Variants in DNAJC11 observed in about 807,000 individuals in gnomAD.
DNAJC11 encodes dnaJ homolog subfamily C member 11.
In DNAJC11, 15 loss-of-function variants were observed where a neutral mutation model predicts 78.6. The ratio of observed to expected loss-of-function variants is 0.19; its 90% confidence interval spans 0.13 to 0.29. The LOEUF is 0.29. Ranked by LOEUF, DNAJC11 falls within the 10% of genes least tolerant of loss-of-function variation. The pLI is 1.00. For missense variants in DNAJC11, 547 were observed against 709.6 expected (o/e 0.77, Z 2.60); for synonymous variants, 292 against 272.1 (o/e 1.07, Z -0.72).
At chr1:6,663,430 C>T (rs1401411429) in intron 4 of DNAJC11, among the ~76,000 whole-genome samples, 7 of 152,036 alleles carry the variant, frequency 4.6e-5, no homozygotes, top group Non-Finnish European at 1.5e-5. Flanking sequence ...AGTGGCTGCC[C>T]TCCACAGAGG....
intron 1 of DNAJC11, among the ~76,000 whole-genome samples, chr1:6,701,069 T>C (rs555805166): frequency 6.6e-6 from 1 of 152,282 alleles, no homozygotes; most frequent in East Asian, 1.9e-4. Flanking sequence ...GAAGCTGTTG[T>C]TAGGGCACCA....
At position 6,680,263 on chromosome 1, in the gene DNAJC11, T is replaced by C. The variant is rs1273033392; in HGVS notation, c.202+645A>G. On this transcript the variant is annotated intron_variant, in intron 2 of 15. Transcript: ENST00000377577. The surrounding 1 kb of genome is among the most constrained non-coding windows in gnomAD (Gnocchi z 4.0). ...TTTTAACCATTTTAAAGTATACAAT[T>C]CAATAGCATGAAGTACATTTACAAT... Among the ~76,000 whole-genome samples, 2 of 152,182 alleles carry C rather than the reference T, an allele frequency of 1.3e-5. No homozygotes were observed. Among genetic ancestry groups the C allele is most frequent in the African/African-American group, 2.4e-5 (1 of 41,458 alleles).
chr1:6,636,601 A>G (rs1641778940), intron 14 of DNAJC11, among the ~76,000 whole-genome samples: 1 of 152,164 alleles, frequency 6.6e-6, no homozygotes, highest in African/African-American at 2.4e-5. Context: ...AATGAGGCAA[A>G]AATAAACAGA....
At chr1:6,699,979 C>G (rs957070425) in intron 1 of DNAJC11, among the ~76,000 whole-genome samples, 4 of 152,136 alleles carry the variant, frequency 2.6e-5, no homozygotes, top group African/African-American at 9.7e-5. Flanking sequence ...CTATGACCTG[C>G]ACATATACAT....
At chr1:6,670,262 T>C (rs140684811) in intron 3 of DNAJC11, among the ~76,000 whole-genome samples, 379 of 152,252 alleles carry the variant, frequency 2.5e-3, no homozygotes, top group African/African-American at 8.7e-3. Context: ...AACAGAAGGA[T>C]AGGAAATAAA....
At chr1:6,689,811 C>T (rs1021718322) in intron 1 of DNAJC11, among the ~76,000 whole-genome samples, 1 of 151,294 alleles carries the variant, frequency 6.6e-6, no homozygotes, top group Non-Finnish European at 1.5e-5. Context: ...GAGGACTGAA[C>T]TGGAGAAAGG....
At chr1:6,650,896 A>T in intron 7 of DNAJC11, 1 of 327,182 alleles carries the variant, frequency 3.1e-6, no homozygotes, top group Non-Finnish European at 6.3e-6. Flanking sequence ...AATAAATAAA[A>T]TAAACTCCAT....
At chr1:6,635,901 G>C (rs182445808) in intron 15 of DNAJC11, among the ~76,000 whole-genome samples, 2 of 152,192 alleles carry the variant, frequency 1.3e-5, no homozygotes, top group African/African-American at 2.4e-5. Flanking sequence ...TTTCCAACGC[G>C]CTCACTCTAA....
At chr1:6,682,371 T>C (rs1364652302) in intron 1 of DNAJC11, among the ~76,000 whole-genome samples, 1 of 151,846 alleles carries the variant, frequency 6.6e-6, no homozygotes, top group African/African-American at 2.4e-5. Context: ...TTTGTGCGAG[T>C]TTATCAGGGG....
At position 6,643,487 on chromosome 1, in the gene DNAJC11, G is replaced by A. The variant is rs59739321; in HGVS notation, c.1097+1071C>T. ...AGACGGGGTTTCACCGTGTTAGCCA[G>A]GATGGTCTCAATCTCCTGACCTCGT... On this transcript the variant is annotated intron_variant, in intron 10 of 15. Coordinates refer to ENST00000377577, the MANE Select transcript of DNAJC11 (RefSeq NM_018198.4). 4.6e-3 allele frequency among the ~76,000 whole-genome samples: 693 copies of A among 152,090 alleles called. 1 individual carries two copies. Among genetic ancestry groups the A allele is most frequent in the Non-Finnish European group, 6.8e-3 (464 of 67,992 alleles).
Position 6,680,832 on chromosome 1 carries a change from C to A in DNAJC11, c.202+76G>T. On this transcript the variant is annotated intron_variant, in intron 2 of 15. Transcript: ENST00000377577. This position sits in a 1 kb window ranked among gnomAD's most constrained non-coding sequence, Gnocchi z 4.0. ...ACCTCTAAGGACTCTCTTTTTCTATCCTCTACAAATCGCACCTCCTAAAAA... is the reference window on the plus strand; with the variant it reads ...ACCTCTAAGGACTCTCTTTTTCTATACTCTACAAATCGCACCTCCTAAAAA... The A allele has an allele frequency of 6.4e-7, 1 of 1,560,790 alleles. No homozygotes were observed.
rs1411771537 is a variant in DNAJC11, at chr1:6,680,965, G to A, written c.145C>T (p.Pro49Ser). 1.2e-6 allele frequency: 2 copies of A among 1,614,110 alleles called. No homozygotes were observed. The highest frequency in any genetic ancestry group is 1.1e-5 in the South Asian group (1 of 91,070). Reference sequence around the variant, plus strand: ...CGTTCCGCCTGTGACTTGAGCTCTGGGTCTCTGTGCTTGTCTGGATGGTAG... The same window carrying A: ...CGTTCCGCCTGTGACTTGAGCTCTGAGTCTCTGTGCTTGTCTGGATGGTAG... ...MLYHPDKHRD[P>S]ELKSQAERLF... The change falls in exon 2 of 16, where the codon CCA (proline) becomes TCA (serine). Residue 49 changes from proline (P) to serine (S), a missense_variant. Pro to Ser is a moderately conservative substitution (Grantham distance 74, BLOSUM62 -1). Coordinates refer to ENST00000377577, the MANE Select transcript of DNAJC11 (RefSeq NM_018198.4). This position sits in a 1 kb window ranked among gnomAD's most constrained non-coding sequence, Gnocchi z 4.0.
At chr1:6,648,097 A>G (rs1641995063) in intron 7 of DNAJC11, among the ~76,000 whole-genome samples, 2 of 152,156 alleles carry the variant, frequency 1.3e-5, no homozygotes, top group Admixed American at 1.3e-4. Flanking sequence ...CTTAAGAATC[A>G]CCTGGGGCGC....
At position 6,635,621 on chromosome 1, in the gene DNAJC11, A is replaced by G. The variant is rs1417929948; in HGVS notation, c.*54T>C. 5.6e-6 allele frequency: 9 copies of G among 1,593,368 alleles called. No homozygotes were observed. Among genetic ancestry groups the G allele is most frequent in the African/African-American group, 2.7e-5 (2 of 73,974 alleles). On this transcript the variant is annotated 3_prime_UTR_variant, in exon 16 of 16. Transcript: ENST00000377577. ...TGGGTTTTTTCATTTCCAAATTTGT[A>G]GACTCCCAGGAAAAGATTTTTTGCG...
intron 10 of DNAJC11, among the ~76,000 whole-genome samples, chr1:6,641,939 CATG>C (rs1641884500): frequency 6.6e-6 from 1 of 152,000 alleles, no homozygotes; most frequent in Admixed American, 6.6e-5. Flanking sequence ...ACATGGCAAA[CATG>C]GTGGGGGGGA....
intron 10 of DNAJC11, among the ~76,000 whole-genome samples, chr1:6,641,637 TCTTC>T (rs928626120): frequency 1.3e-5 from 2 of 151,864 alleles, no homozygotes; most frequent in Admixed American, 6.6e-5. Context: ...GCTCAAGTGA[TCTTC>T]CTGTCTTGGC....
chr1:6,697,211 C>T (rs1258857731), intron 1 of DNAJC11, among the ~76,000 whole-genome samples: 2 of 152,188 alleles, frequency 1.3e-5, no homozygotes, highest in Admixed American at 6.5e-5. Flanking sequence ...TGGCCCTGCT[C>T]TGTAAACAGG....
At position 6,644,619 on chromosome 1, in the gene DNAJC11, G is replaced by A; in HGVS notation, c.1036C>T (p.His346Tyr). 6.2e-7 allele frequency: 1 copy of A among 1,614,192 alleles called. No individual in the cohort carries two copies. The highest frequency in any genetic ancestry group is 8.5e-7 in the Non-Finnish European group (1 of 1,180,034). Residue 346 changes from histidine (H) to tyrosine (Y), a missense_variant, in exon 10 of 16, where the codon CAC (histidine) becomes TAC (tyrosine). His to Tyr is a moderately conservative substitution (Grantham distance 83). Coordinates refer to ENST00000377577, the MANE Select transcript of DNAJC11 (RefSeq NM_018198.4). ...CTGACAGCTGCACCCAAAACGCTGT[G>A]CCTGGAGATCTTCCTCTCAGCTCCG... ...EYGAERKISR[H>Y]SVLGAAVSVG...
At chr1:6,679,803 T>C (rs1642526905) in intron 2 of DNAJC11, among the ~76,000 whole-genome samples, 1 of 152,174 alleles carries the variant, frequency 6.6e-6, no homozygotes, top group South Asian at 2.1e-4. Flanking sequence ...TCCAACACAA[T>C]ACAAGCAAAC....
Sources: allele counts gnomAD v4.1 joint callset (sites outside exome capture counted in the v4.1 genomes callset), GRCh38; gene constraint gnomAD v4.1.1; non-coding constraint Gnocchi (gnomAD v3.1); transcripts MANE v1.5; gene names NCBI Gene and HGNC (gene_info 2026-07-23, HGNC 2026-07-21).